The following PCBP4 variants were observed in gnomAD, a reference collection of about 807,000 sequenced individuals.
PCBP4 encodes the protein poly(rC) binding protein 4, also known as poly(rC)-binding protein 4.
In PCBP4, 24 loss-of-function variants were observed where a neutral mutation model predicts 46.2. The ratio of observed to expected loss-of-function variants is 0.52; its 90% CI spans 0.38 to 0.73. PCBP4 has a LOEUF of 0.73. Among genes scored for constraint, PCBP4 ranks in the 30% least tolerant of loss-of-function variants. The pLI is 0.00. For synonymous variants in PCBP4, 203 were observed against 224.4 expected, an observed-to-expected ratio of 0.90 and a Z score of 0.85; for missense variants, 407 against 537.0, an observed-to-expected ratio of 0.76 and a Z score of 2.39.
chr3:51,957,996 G>A lies in PCBP4; in HGVS notation c.*65C>T, dbSNP rs995428799. On this transcript the variant is annotated 3_prime_UTR_variant, in exon 14 of 14. Transcript: ENST00000461554. ...CCCCAGGGTGGAGTCTCCTTGGGCG[G>A]GTAGGGTGCAGAGGCAGCCCCCTGC... is the stretch of plus-strand genomic sequence containing the variant. The A allele has an allele frequency of 4.2e-6, 6 of 1,442,924 alleles. No individual in the cohort carries two copies. The African/African-American group carries it at 7.2e-5, about 17-fold the overall frequency. The allele number at this position is 1,442,924 out of a possible 1,614,324, so 89.4% of individuals were successfully genotyped here.
chr3:51,965,672 C>T (rs80093522), intron 1 of PCBP4, among the ~76,000 whole-genome samples: 1,855 of 152,194 alleles, frequency 0.012, 37 homozygotes, highest in African/African-American at 0.042. Context: ...CTGAGGGTCC[C>T]GGAGGAGTAA....
chr3:51,961,344 G>A, intron 2 of PCBP4, 40 bp from the exon 3 acceptor site: 1 of 1,500,990 alleles, frequency 6.7e-7, no homozygotes, highest in Non-Finnish European at 8.9e-7. Flanking sequence ...GAGGAGCCCA[G>A]TCCACCCTGC....
In PCBP4 at chr3:51,958,724, C is replaced by A. The variant is rs1350869311; in HGVS notation, c.923+66G>T. 7.1e-6 allele frequency: 11 copies of A among 1,546,552 alleles called. No homozygotes were observed. The highest frequency in any genetic ancestry group is 9.6e-6 in the Non-Finnish European group (11 of 1,141,930). ...GAGGAGGCCAGCTTCCTCTCCCCAC[C>A]CCTGCCTTTCTTGGGCACATGAGAA... On this transcript the variant is annotated intron_variant, in intron 13 of 13. Transcript: ENST00000461554. This position sits in a 1 kb window ranked among gnomAD's most constrained non-coding sequence, Gnocchi z 5.4.
Position 51,959,000 on chromosome 3 carries a change from C to T in PCBP4, c.754-41G>A. On this transcript the variant is annotated intron_variant, in intron 12 of 13. Transcript: ENST00000461554. This position sits in a 1 kb window ranked among gnomAD's most constrained non-coding sequence, Gnocchi z 5.4. ...AATTCAGCCCTGGGTGAGGTCCAGA[C>T]CCCCAGACCCCCTACCCACCCTCCA... 1 of 1,613,174 alleles carries T rather than the reference C, an allele frequency of 6.2e-7. No homozygotes were observed. Among genetic ancestry groups the T allele is most frequent in the Non-Finnish European group, 8.5e-7 (1 of 1,179,390 alleles).
chr3:51,967,126 C>T (rs1296582122), intron 1 of PCBP4, among the ~76,000 whole-genome samples, 200 bp downstream of exon 1: 2 of 152,098 alleles, frequency 1.3e-5, no homozygotes, highest in African/African-American at 2.4e-5. Flanking sequence ...TCCAGGAAGC[C>T]CCTCCCTGGT....
chr3:51,962,419 G>A (rs533363271), intron 1 of PCBP4, among the ~76,000 whole-genome samples: 1 of 152,012 alleles, frequency 6.6e-6, no homozygotes, highest in African/African-American at 2.4e-5. Flanking sequence ...CTCCTTAGGC[G>A]TCTGTCTCCT....
intron 1 of PCBP4, among the ~76,000 whole-genome samples, chr3:51,964,776 G>C (rs1313915272): frequency 3.3e-5 from 5 of 152,198 alleles, no homozygotes; most frequent in African/African-American, 1.2e-4. Context: ...CCAGCATCTT[G>C]GACACATGTG....
chr3:51,965,222 T>A (rs931261246), intron 1 of PCBP4, among the ~76,000 whole-genome samples: 19 of 152,172 alleles, frequency 1.2e-4, no homozygotes, highest in African/African-American at 4.3e-4. Context: ...CCCCAAAGAA[T>A]AAAGCCTGAA....
rs754976828 is a variant in PCBP4 at position 51,959,860 on chromosome 3, C to T, written c.516+35G>A. The T allele has an allele frequency of 2.6e-6, 4 of 1,561,804 alleles. No homozygotes were observed. The highest frequency in any genetic ancestry group is 3.5e-6 in the Non-Finnish European group (4 of 1,154,234). On this transcript the variant is annotated intron_variant, in intron 8 of 13. Coordinates refer to ENST00000461554, the MANE Select transcript of PCBP4 (RefSeq NM_001174100.2). The surrounding 1 kb of genome is among the most constrained non-coding windows in gnomAD (Gnocchi z 5.6). The stretch of plus-strand genomic sequence containing the variant: ...CCGACAAGGCAGACCCAGGGCCCAT[C>T]TCCTGCCCCCTCTCTCCCTGCCCCA...
At chr3:51,961,084 C>G in intron 3 of PCBP4, 51 bp from the exon 4 acceptor site, 4 of 1,614,162 alleles carry the variant, frequency 2.5e-6, no homozygotes, top group Non-Finnish European at 3.4e-6. Context: ...CAGGCCCAGC[C>G]CCTCCCCACT....
intron 2 of PCBP4, 132 bp from the exon 3 acceptor site, chr3:51,961,436 C>A: frequency 9.3e-7 from 1 of 1,074,478 alleles, no homozygotes; most frequent in Admixed American, 2.9e-5. Context: ...GAGCGCCACA[C>A]ATCACTCTGA....
At position 51,958,270 on chromosome 3, in the gene PCBP4, G is replaced by A. The variant is rs374353047; in HGVS notation, c.1003C>T (p.Leu335=). 14 of 1,583,614 alleles carry A rather than the reference G, an allele frequency of 8.8e-6. No individual in the cohort carries two copies. The African/African-American group carries it at 1.4e-4, about 15-fold the overall frequency. The change falls in exon 14 of 14, where the codon CTG becomes TTG. Residue 335 remains leucine (L), a synonymous_variant. Coordinates refer to ENST00000461554, the MANE Select transcript of PCBP4 (RefSeq NM_001174100.2). This position sits in a 1 kb window ranked among gnomAD's most constrained non-coding sequence, Gnocchi z 5.4. The part of the protein sequence containing the change: ...ADLPAPFSPP[L]TALPTAPPGL... The stretch of plus-strand genomic sequence containing the variant: ...GGGGGAGCTGTGGGCAGGGCCGTCA[G>A]GGGTGGCGAGAAGGGGGCAGGCAGG...
Position 51,959,209 on chromosome 3 carries a change from C to G in PCBP4, c.700+20G>C. ...CCTCTTAGGACCCTCCCCCTGCCTCCTTGTGCAGGGGTGGCTTACCTGGCA... is the reference window on the plus strand; with the variant it reads ...CCTCTTAGGACCCTCCCCCTGCCTCGTTGTGCAGGGGTGGCTTACCTGGCA... On this transcript the variant is annotated intron_variant, in intron 11 of 13. Transcript: ENST00000461554. This position sits in a 1 kb window ranked among gnomAD's most constrained non-coding sequence, Gnocchi z 5.6. 1 of 1,613,436 alleles carries G rather than the reference C, an allele frequency of 6.2e-7. No individual in the cohort carries two copies. Among genetic ancestry groups the G allele is most frequent in the Non-Finnish European group, 8.5e-7 (1 of 1,179,434 alleles).
chr3:51,959,130 T>G lies in PCBP4; in HGVS notation c.701-31A>C. 6.2e-7 allele frequency: 1 copy of G among 1,613,522 alleles called. No individual in the cohort carries two copies. The highest frequency in any genetic ancestry group is 8.5e-7 in the Non-Finnish European group (1 of 1,179,694). ...GGGGAGAAGAGGGACTGAGTGTGGT[T>G]CTGGGCCTTTCCCGCCCCACCATTT... On this transcript the variant is annotated intron_variant, in intron 11 of 13. Transcript: ENST00000461554. This position sits in a 1 kb window ranked among gnomAD's most constrained non-coding sequence, Gnocchi z 5.6.
In PCBP4 at chr3:51,960,910, A is replaced by G; in HGVS notation, c.106-12T>C. 4.4e-6 allele frequency: 7 copies of G among 1,585,948 alleles called. No homozygotes were observed. Among genetic ancestry groups the G allele is most frequent in the Non-Finnish European group, 5.9e-6 (7 of 1,177,446 alleles). On this transcript the variant is annotated splice_polypyrimidine_tract_variant and intron_variant, in intron 4 of 13. Transcript: ENST00000461554. The surrounding 1 kb of genome is among the most constrained non-coding windows in gnomAD (Gnocchi z 5.0). Reference sequence around the variant, plus strand: ...ACAGTCTCGCCCTTCTGTGGGAGGTACAAAACAGATAATCACTCTTAACTT... The same window carrying G: ...ACAGTCTCGCCCTTCTGTGGGAGGTGCAAAACAGATAATCACTCTTAACTT...
At position 51,960,338 on chromosome 3, in the gene PCBP4, T is replaced by C. The variant is rs180711282; in HGVS notation, c.256-18A>G. ...CAAAGGTCCTGGGACAGGGAGACGG[T>C]GGGTTGGCCATGCTCGTCCCTGCTA... On this transcript the variant is annotated intron_variant, in intron 6 of 13. Transcript: ENST00000461554. This position sits in a 1 kb window ranked among gnomAD's most constrained non-coding sequence, Gnocchi z 5.0. 3.1e-4 allele frequency: 493 copies of C among 1,610,842 alleles called. 2 individuals carry two copies. The East Asian group carries it at 7.8e-3, about 26-fold the overall frequency.
intron 1 of PCBP4, among the ~76,000 whole-genome samples, 176 bp from the exon 2 acceptor site, chr3:51,962,264 G>T (rs892050015): frequency 4.6e-5 from 7 of 152,206 alleles, no homozygotes; most frequent in African/African-American, 1.7e-4. Flanking sequence ...TTGGTGGGCT[G>T]CGGGAATGTC....
chr3:51,964,997 T>C (rs531284578), intron 1 of PCBP4, among the ~76,000 whole-genome samples: 1 of 152,174 alleles, frequency 6.6e-6, no homozygotes, highest in South Asian at 2.1e-4. Context: ...ACAGCTTCCA[T>C]ACACCATCAT....
intron 2 of PCBP4, chr3:51,961,543 A>C: frequency 2.0e-6 from 1 of 506,050 alleles, no homozygotes; most frequent in Non-Finnish European, 3.3e-6. Context: ...GGGGATACAA[A>C]TTCCCATCTC....
Sources: allele counts gnomAD v4.1 joint callset (sites outside exome capture counted in the v4.1 genomes callset), GRCh38; gene constraint gnomAD v4.1.1; non-coding constraint Gnocchi (gnomAD v3.1); transcripts MANE v1.5; gene names NCBI Gene and HGNC (gene_info 2026-07-23, HGNC 2026-07-21).